Variants in RFX1 observed in about 807,000 individuals in gnomAD.
RFX1 encodes the protein regulatory factor X1.
Under a neutral mutation model 119.6 loss-of-function variants are expected in RFX1, and 42 were observed. The observed-to-expected ratio is 0.35, with a 90% confidence interval of 0.27 to 0.45. RFX1 has a LOEUF of 0.45. Among genes scored for constraint, RFX1 ranks in the 20% least tolerant of loss-of-function variants. The probability of loss-of-function intolerance (pLI) is 1.00; values close to 1 mark genes in which losing one functional copy is unlikely to be tolerated. For missense variants in RFX1, 1,118 were observed against 1,368.1 expected, an observed-to-expected ratio of 0.82 and a Z score of 2.88; for synonymous variants, 628 against 618.5, an observed-to-expected ratio of 1.02 and a Z score of -0.23.
At chr19:13,984,241 C>T (rs935775568) in intron 2 of RFX1, among the ~76,000 whole-genome samples, 4 of 150,142 alleles carry the variant, frequency 2.7e-5, no homozygotes, top group South Asian at 2.1e-4. Context: ...CCACCCCGTC[C>T]GCCTGTCCGT....
rs111774835 is a variant in RFX1 at position 13,962,766 on chromosome 19, G to C, written c.2869C>G (p.Leu957Val). 1.3e-6 allele frequency: 2 copies of C among 1,530,738 alleles called. No individual in the cohort carries two copies. Among genetic ancestry groups the C allele is most frequent in the Non-Finnish European group, 1.7e-6 (2 of 1,143,706 alleles). 94.8% of individuals were successfully genotyped at this position (1,530,738 alleles called of 1,614,324 possible). A position where few individuals can be genotyped will look rare whatever the true frequency, so the allele number is the denominator to read the frequency against. Residue 957 changes from leucine to valine, a missense_variant, in exon 21 of 21, where the codon CTG becomes GTG. Around this residue, in one of 5 missense-constraint regions of RFX1, gnomAD observed 138 missense variants for 117.8 expected, o/e 1.17. Coordinates refer to ENST00000254325, the MANE Select transcript of RFX1 (RefSeq NM_002918.5). ...CGCGCCAGCTTGGCCGGCGGCTCCA[G>C]GGTCTCCGGGCCCAGCGCGGGTGAC... ...GESPALGPET[L>V]EPPAKLARTD...
chr19:14,005,189 C>T (rs2145653682), intron 1 of RFX1, among the ~76,000 whole-genome samples: 1 of 152,324 alleles, frequency 6.6e-6, no homozygotes, highest in South Asian at 2.1e-4. Flanking sequence ...AGGTCTCAAA[C>T]AGCAGCCCAG....
In RFX1 at chr19:13,968,707, G is replaced by T; in HGVS notation, c.1617-27C>A. ...TGGAGTAGAATGGGCAGGTGGGCCG[G>T]CTGCTGGGGGCCGGCCTGTGTGCCC... On this transcript the variant is annotated intron_variant, in intron 11 of 20. Transcript: ENST00000254325. The surrounding 1 kb of genome is among the most constrained non-coding windows in gnomAD (Gnocchi z 5.5). 3.1e-6 allele frequency: 5 copies of T among 1,611,086 alleles called. No homozygotes were observed. Among genetic ancestry groups the T allele is most frequent in the Non-Finnish European group, 4.2e-6 (5 of 1,179,052 alleles).
In RFX1 at chr19:13,962,325, T is replaced by G; in HGVS notation, c.*370A>C. 1 of 262,784 alleles carries G rather than the reference T, an allele frequency of 3.8e-6. No individual in the cohort carries two copies. The highest frequency in any genetic ancestry group is 5.5e-5 in the South Asian group (1 of 18,234). 16.3% of individuals were successfully genotyped at this position (262,784 alleles called of 1,614,324 possible). Reference sequence around the variant, plus strand: ...GTGCAAAGCCAGCGAGCTGAATAAGTTAACAGTTTCGCACGGGAGGGGGCC... The same window carrying G: ...GTGCAAAGCCAGCGAGCTGAATAAGGTAACAGTTTCGCACGGGAGGGGGCC... On this transcript the variant is annotated 3_prime_UTR_variant, in exon 21 of 21. Transcript: ENST00000254325.
In RFX1 at chr19:13,980,367, G is replaced by A. The variant is rs1436254586; in HGVS notation, c.738+206C>T. On this transcript the variant is annotated intron_variant, in intron 6 of 20. Coordinates refer to ENST00000254325, the MANE Select transcript of RFX1 (RefSeq NM_002918.5). The surrounding 1 kb of genome is among the most constrained non-coding windows in gnomAD (Gnocchi z 5.1). ...TCTCCTTCCAGGAGGTTCAAATTTCGTCCTCCCCGCGGCTCCCCCATCCTC... is the reference window on the plus strand; with the variant it reads ...TCTCCTTCCAGGAGGTTCAAATTTCATCCTCCCCGCGGCTCCCCCATCCTC... 1.3e-5 allele frequency among the ~76,000 whole-genome samples: 2 copies of A among 152,190 alleles called. No homozygotes were observed. The highest frequency in any genetic ancestry group is 2.1e-4 in the South Asian group (1 of 4,836).
rs1327814768 is a variant in RFX1 at position 13,965,749 on chromosome 19, T to G, written c.1990A>C (p.Lys664Gln). The change falls in exon 15 of 21, where the codon AAA (lysine) becomes CAA (glutamine). Residue 664 changes from lysine (K) to glutamine (Q), a missense_variant. By Grantham distance (53) the Lys-to-Gln change is moderately conservative. Around this residue, in one of 5 missense-constraint regions of RFX1, gnomAD observed 338 missense variants for 508.9 expected, o/e 0.66. Transcript: ENST00000254325. This position sits in a 1 kb window ranked among gnomAD's most constrained non-coding sequence, Gnocchi z 4.7. ...VHDEAEKRLP[K>Q]AILVLLSKFE... ...TTGGAGAGGAGCACCAGGATGGCTT[T>G]GGGCAGTCGCTTCTCGGCCTCGTCA... 1 of 1,613,842 alleles carries G rather than the reference T, an allele frequency of 6.2e-7. No homozygotes were observed. Among genetic ancestry groups the G allele is most frequent in the Non-Finnish European group, 8.5e-7 (1 of 1,179,954 alleles).
rs1320932687 is a variant in RFX1, at chr19:13,986,715, T to A, written c.320-3120A>T. Among the ~76,000 whole-genome samples, 1 of 152,098 alleles carries A rather than the reference T, an allele frequency of 6.6e-6. No individual in the cohort carries two copies. Among genetic ancestry groups the A allele is most frequent in the Non-Finnish European group, 1.5e-5 (1 of 67,990 alleles). ...TGTCTCTGAATCTGACACATTAACATCTCTGAGCAGTGGAATGACTCTGAC... is the reference window on the plus strand; with the variant it reads ...TGTCTCTGAATCTGACACATTAACAACTCTGAGCAGTGGAATGACTCTGAC... On this transcript the variant is annotated intron_variant, in intron 2 of 20. Coordinates refer to ENST00000254325, the MANE Select transcript of RFX1 (RefSeq NM_002918.5). This position sits in a 1 kb window ranked among gnomAD's most constrained non-coding sequence, Gnocchi z 4.2.
rs1974126977 is a variant in RFX1 at position 13,972,866 on chromosome 19, C to CCCGCCACCG, written c.1182_1190dup (p.Gly397_Gly399dup). 1 of 1,555,892 alleles carries CCCGCCACCG rather than the reference C, an allele frequency of 6.4e-7. No individual in the cohort carries two copies. Among genetic ancestry groups the CCCGCCACCG allele is most frequent in the African/African-American group, 1.4e-5 (1 of 73,410 alleles). On this transcript the variant is annotated inframe_insertion, in exon 9 of 21. Transcript: ENST00000254325. ...CGCCTCCGGTGCTGCCACTGCCACC[C>CCCGCCACCG]CCGCCACCGCCTCCCCCGCCGCCGC...
At position 13,990,391 on chromosome 19, in the gene RFX1, G is replaced by A. The variant is rs549532905; in HGVS notation, c.319+3134C>T. ...GCAGCTGGAGGTTCCTGGAGAAAATGGGGGCTTGGCTGGGCGCGGTGGCTC... is the reference window on the plus strand; with the variant it reads ...GCAGCTGGAGGTTCCTGGAGAAAATAGGGGCTTGGCTGGGCGCGGTGGCTC... On this transcript the variant is annotated intron_variant, in intron 2 of 20. Transcript: ENST00000254325. This position sits in a 1 kb window ranked among gnomAD's most constrained non-coding sequence, Gnocchi z 4.1. Among the ~76,000 whole-genome samples the A allele has an allele frequency of 2.6e-5, 4 of 152,090 alleles. No homozygotes were observed. The highest frequency in any genetic ancestry group is 5.9e-5 in the Non-Finnish European group (4 of 68,016).
chr19:13,964,119 G>T, intron 16 of RFX1, 112 bp from the exon 17 acceptor site: 2 of 1,177,786 alleles, frequency 1.7e-6, no homozygotes, highest in Non-Finnish European at 2.3e-6. Flanking sequence ...TAAAAAAGGA[G>T]GGATGTGCCT....
chr19:13,974,049 T>TAGGCACTGTTTCACACACTTTGGACAC (rs1293102344), intron 8 of RFX1, among the ~76,000 whole-genome samples: 1 of 151,974 alleles, frequency 6.6e-6, no homozygotes, highest in Non-Finnish European at 1.5e-5. Flanking sequence ...TACTGTGTGC[T>TAGGCACTGTTTCACACACTTTGGACAC]AGGCACTGTT....
intron 8 of RFX1, among the ~76,000 whole-genome samples, chr19:13,975,249 C>T (rs570603662): frequency 5.3e-5 from 8 of 151,468 alleles, no homozygotes; most frequent in East Asian, 1.9e-4. Context: ...CCCAACTACT[C>T]GGGAGACTGA....
intron 7 of RFX1, among the ~76,000 whole-genome samples, chr19:13,978,817 T>G (rs1974338256): frequency 6.6e-6 from 1 of 152,022 alleles, no homozygotes; most frequent in Non-Finnish European, 1.5e-5. Flanking sequence ...GACCCTCTGG[T>G]CGGGGCTGGC....
intron 16 of RFX1, 149 bp from the exon 17 acceptor site, chr19:13,964,156 A>C: frequency 3.6e-6 from 3 of 844,118 alleles, no homozygotes; most frequent in Non-Finnish European, 3.5e-6. Flanking sequence ...ACACAGAAGG[A>C]TCGGGACCTT....
intron 4 of RFX1, 108 bp downstream of exon 4, chr19:13,983,079 G>T: frequency 1.2e-6 from 1 of 846,950 alleles, no homozygotes; most frequent in Non-Finnish European, 1.8e-6. Context: ...CCCTGGATGG[G>T]GACTCTTCCC....
intron 8 of RFX1, 23 bp downstream of exon 8, chr19:13,977,969 C>T: frequency 1.3e-6 from 2 of 1,580,164 alleles, no homozygotes; most frequent in South Asian, 1.1e-5. Flanking sequence ...GACTCCCTCA[C>T]CCACCCCTCT....
chr19:13,978,579 C>G (rs568707426), intron 7 of RFX1, among the ~76,000 whole-genome samples: 1 of 152,132 alleles, frequency 6.6e-6, no homozygotes, highest in Non-Finnish European at 1.5e-5. Context: ...TCTGCAGGGG[C>G]GGAGCTGGGA....
Position 13,969,896 on chromosome 19 carries a change from G to A in RFX1, c.1496+98C>T, listed in dbSNP as rs1343121919. 8 of 1,282,802 alleles carry A rather than the reference G, an allele frequency of 6.2e-6. No homozygotes were observed. Among genetic ancestry groups the A allele is most frequent in the Non-Finnish European group, 8.6e-6 (8 of 934,630 alleles). The allele number at this position is 1,282,802 out of a possible 1,614,324, so 79.5% of individuals were successfully genotyped here. A position where few individuals can be genotyped will look rare whatever the true frequency, so the allele number is the denominator to read the frequency against. On this transcript the variant is annotated intron_variant, in intron 10 of 20. Coordinates refer to ENST00000254325, the MANE Select transcript of RFX1 (RefSeq NM_002918.5). The surrounding 1 kb of genome is among the most constrained non-coding windows in gnomAD (Gnocchi z 4.5). ...AGCCTCGCAGAGGCCGGCGGGACTG[G>A]GCTGGACTGGACTGCCTGAGATGAC...
At chr19:14,002,802 C>A (rs1030475660) in intron 1 of RFX1, among the ~76,000 whole-genome samples, 2 of 152,180 alleles carry the variant, frequency 1.3e-5, no homozygotes, top group East Asian at 1.9e-4. Flanking sequence ...TCTCTGCGGG[C>A]GGGGCAGCCT....
Sources: gnomAD v4.1 joint callset for allele counts (sites outside exome capture counted in the v4.1 genomes callset) on GRCh38, gnomAD v4.1.1 for gene constraint, gnomAD v4.1.1 regional missense constraint, Gnocchi (gnomAD v3.1) non-coding constraint, MANE v1.5 for transcripts, NCBI Gene and HGNC (gene_info 2026-07-23, HGNC 2026-07-21) for gene names.